NTRK1: variants seen among roughly 807,000 people sequenced by gnomAD.
NTRK1 encodes the protein high affinity nerve growth factor receptor.
In NTRK1, 62 loss-of-function variants were observed where a neutral mutation model predicts 86.8. The observed-to-expected ratio is 0.71, with a 90% confidence interval of 0.58 to 0.88. NTRK1 has a LOEUF of 0.88. Ranked by LOEUF, NTRK1 falls within the 40% of genes least tolerant of loss-of-function variation. NTRK1 has a pLI of 0.00. For synonymous variants in NTRK1, 469 were observed against 456.6 expected (o/e 1.03, Z -0.35); for missense variants, 967 against 1,078.4 (o/e 0.90, Z 1.45).
In NTRK1 at chr1:156,871,733, C is replaced by A. The variant is rs1647568009; in HGVS notation, c.828C>A (p.Val276=). The A allele has an allele frequency of 1.2e-6, 2 of 1,614,062 alleles. No homozygotes were observed. Among genetic ancestry groups the A allele is most frequent in the Admixed American group, 1.7e-5 (1 of 60,014 alleles). The part of the protein sequence containing the change: ...WAENDVGRAE[V]SVQVNVSFPA... The stretch of plus-strand genomic sequence containing the variant: ...AGAACGATGTGGGCCGGGCAGAGGT[C>A]TCTGTTCAGGTCAACGTCTCCTGTG... The change falls in exon 7 of 17, where the codon GTC becomes GTA. Residue 276 remains valine (V), a synonymous_variant. Coordinates refer to ENST00000524377, the MANE Select transcript of NTRK1 (RefSeq NM_002529.4).
At chr1:156,876,617 G>A (rs1276664746) in intron 14 of NTRK1, 45 bp downstream of exon 14, 1 of 1,579,772 alleles carries the variant, frequency 6.3e-7, no homozygotes, top group African/African-American at 1.3e-5. Context: ...CCTGGCTCTG[G>A]GCCCCGTCTT....
intron 1 of NTRK1, among the ~76,000 whole-genome samples, chr1:156,835,427 A>G (rs59668363): frequency 0.065 from 9,951 of 152,304 alleles, 382 homozygotes; most frequent in Admixed American, 0.11. Flanking sequence ...TCTGGGCAGG[A>G]AGCCTCGTTC....
chr1:156,876,924 G>A (rs960358201), intron 14 of NTRK1, among the ~76,000 whole-genome samples: 5 of 152,220 alleles, frequency 3.3e-5, no homozygotes, highest in Non-Finnish European at 4.4e-5. Flanking sequence ...CAGTAACAAC[G>A]ACAGTAATGA....
chr1:156,845,777 G>T (rs1333894025), intron 2 of NTRK1: 1 of 1,613,200 alleles, frequency 6.2e-7, no homozygotes, highest in Admixed American at 1.7e-5. Flanking sequence ...CTTCGCCGTC[G>T]AAGCGCGGAT....
intron 1 of NTRK1, among the ~76,000 whole-genome samples, chr1:156,834,871 A>G (rs1287608212): frequency 2.0e-5 from 3 of 152,088 alleles, no homozygotes; most frequent in African/African-American, 2.4e-5. Context: ...CCAGTGAGGA[A>G]GAATTTGGGG....
intron 2 of NTRK1, chr1:156,851,325 G>A: frequency 1.2e-6 from 2 of 1,614,194 alleles, no homozygotes; most frequent in African/African-American, 2.7e-5. Flanking sequence ...TTAGTTTGAG[G>A]TTCTTGAAAA....
At chr1:156,870,440 CAGTT>C (rs1421409005) in intron 6 of NTRK1, among the ~76,000 whole-genome samples, 1 of 152,130 alleles carries the variant, frequency 6.6e-6, no homozygotes, top group Non-Finnish European at 1.5e-5. Context: ...TGCTCTCCCT[CAGTT>C]AGGAGGATAA....
chr1:156,828,788 T>G (rs1180150533), intron 1 of NTRK1, among the ~76,000 whole-genome samples: 1 of 152,214 alleles, frequency 6.6e-6, no homozygotes, highest in Non-Finnish European at 1.5e-5. Context: ...CCTCTGAGCC[T>G]CATTTTCCCC....
At chr1:156,848,872 T>G in intron 2 of NTRK1, 1 of 1,535,076 alleles carries the variant, frequency 6.5e-7, no homozygotes, top group South Asian at 1.2e-5. Context: ...CCGAAGAAAT[T>G]GGCCTCGTCC....
At chr1:156,879,091 A>G (rs2102923885) in intron 14 of NTRK1, 31 bp from the exon 15 acceptor site, 1 of 1,611,884 alleles carries the variant, frequency 6.2e-7, no homozygotes, top group Non-Finnish European at 8.5e-7. Context: ...CTATCCTCCC[A>G]GCCTATCCCC....
chr1:156,834,123 C>CA (rs1190890910), intron 1 of NTRK1, among the ~76,000 whole-genome samples: 1 of 152,202 alleles, frequency 6.6e-6, no homozygotes, highest in African/African-American at 2.4e-5. Flanking sequence ...CTAACACTCA[C>CA]ACCATAGCTG....
chr1:156,849,099 G>T (rs762823505), intron 2 of NTRK1: 19 of 1,600,202 alleles, frequency 1.2e-5, no homozygotes, highest in Admixed American at 1.7e-5. Flanking sequence ...CTGCTTGAGC[G>T]CCCACCCTGA....
intron 2 of NTRK1, chr1:156,853,641 TA>T: frequency 2.7e-6 from 3 of 1,102,790 alleles, no homozygotes; most frequent in East Asian, 2.4e-5. Flanking sequence ...GAGTGAGGAT[TA>T]AAAAACAGTG....
At chr1:156,868,422 G>C (rs1647304762) in intron 5 of NTRK1, 83 bp from the exon 6 acceptor site, 3 of 1,544,626 alleles carry the variant, frequency 1.9e-6, no homozygotes. Flanking sequence ...AGGAGGGTGG[G>C]GGAAGGAGCA....
Position 156,881,536 on chromosome 1 carries a change from G to A in NTRK1, c.2285G>A (p.Gly762Asp), listed in dbSNP as rs2102931038. 2.5e-6 allele frequency: 4 copies of A among 1,604,594 alleles called. No homozygotes were observed. Among genetic ancestry groups the A allele is most frequent in the Non-Finnish European group, 2.6e-6 (3 of 1,175,818 alleles). The change falls in exon 17 of 17, where the codon GGC becomes GAC. Residue 762 changes from glycine to aspartate, a missense_variant. By Grantham distance (94) the Gly-to-Asp change is moderately conservative. Coordinates refer to ENST00000524377, the MANE Select transcript of NTRK1 (RefSeq NM_002529.4). ...CPPEVYAIMR[G>D]CWQREPQQRH... ...CCAGAGGTCTACGCCATCATGCGGGGCTGCTGGCAGCGGGAGCCCCAGCAA... is the reference window on the plus strand; with the variant it reads ...CCAGAGGTCTACGCCATCATGCGGGACTGCTGGCAGCGGGAGCCCCAGCAA...
upstream of NTRK1, among the ~76,000 whole-genome samples, chr1:156,860,089 C>T (rs1558095122): frequency 6.6e-6 from 1 of 152,258 alleles, no homozygotes; most frequent in East Asian, 1.9e-4. Context: ...GGGAGGCGAT[C>T]GATGTCAGCC....
At chr1:156,848,459 T>C (rs891549933) in intron 2 of NTRK1, among the ~76,000 whole-genome samples, 5 of 152,196 alleles carry the variant, frequency 3.3e-5, no homozygotes, top group Non-Finnish European at 7.4e-5. Flanking sequence ...TTAGGGTCAG[T>C]TGACTCTCTC....
At chr1:156,828,067 G>C (rs1654370052) in intron 1 of NTRK1, among the ~76,000 whole-genome samples, 1 of 152,052 alleles carries the variant, frequency 6.6e-6, no homozygotes, top group African/African-American at 2.4e-5. Flanking sequence ...CCTGCCTCAG[G>C]CTCCCAAAGT....
intron 1 of NTRK1, among the ~76,000 whole-genome samples, chr1:156,861,658 C>T (rs949825216): frequency 5.9e-5 from 9 of 152,172 alleles, no homozygotes; most frequent in African/African-American, 2.2e-4. Flanking sequence ...CGGTGAGGAG[C>T]TGAGTGGTTG....
Sources: gnomAD v4.1 joint callset for allele counts (sites outside exome capture counted in the v4.1 genomes callset) on GRCh38, gnomAD v4.1.1 for gene constraint, MANE v1.5 for transcripts, NCBI Gene and HGNC (gene_info 2026-07-23, HGNC 2026-07-21) for gene names.